Variants in DNAH2 observed in about 807,000 individuals in gnomAD.
DNAH2 encodes dynein axonemal heavy chain 2, also known as axonemal beta dynein heavy chain 2.
A neutral mutation model predicts 523.5 loss-of-function variants in DNAH2; 323 were observed. The ratio of observed to expected loss-of-function variants is 0.62; its 90% CI spans 0.56 to 0.68. DNAH2 has a LOEUF of 0.68. Among genes scored for constraint, DNAH2 ranks in the 30% least tolerant of loss-of-function variants. The pLI is 0.00. For missense variants in DNAH2, 4,907 were observed against 5,701.5 expected (o/e 0.86, Z 4.49); for synonymous variants, 2,093 against 2,177.4 (o/e 0.96, Z 1.08).
At chr17:7,741,789 C>CG (rs2075361736) in intron 11 of DNAH2, among the ~76,000 whole-genome samples, 2 of 151,854 alleles carry the variant, frequency 1.3e-5, no homozygotes, top group African/African-American at 4.8e-5. Context: ...CTTAGCCTCT[C>CG]AGGAGCTGGG....
Position 7,743,555 on chromosome 17 carries a change from A to G in DNAH2, c.1904+413A>G, listed in dbSNP as rs1019704300. On this transcript the variant is annotated intron_variant, in intron 12 of 85. Coordinates refer to ENST00000572933, the MANE Select transcript of DNAH2 (RefSeq NM_020877.5). The stretch of plus-strand genomic sequence containing the variant: ...GTGGCACAAGCCTGTAGTCTCAGCT[A>G]CTTGGGAGGGTGAGGTGGGAGGATC... The G allele has an allele frequency of 2.6e-5, 15 of 576,240 alleles. No homozygotes were observed. The African/African-American group carries it at 2.8e-4, about 11-fold the overall frequency. The allele number at this position is 576,240 out of a possible 1,614,324, so 35.7% of individuals were successfully genotyped here.
chr17:7,763,473 G>T (rs1328852354), intron 18 of DNAH2, among the ~76,000 whole-genome samples: 1 of 152,022 alleles, frequency 6.6e-6, no homozygotes, highest in East Asian at 1.9e-4. Flanking sequence ...TAGAGATAAG[G>T]TTTCACCATG....
intron 50 of DNAH2, 91 bp downstream of exon 50, chr17:7,796,743 T>C: frequency 7.0e-7 from 1 of 1,421,124 alleles, no homozygotes; most frequent in Non-Finnish European, 9.5e-7. Flanking sequence ...CTCACTAGCA[T>C]GCGCACCAAA....
intron 59 of DNAH2, 83 bp from the exon 60 acceptor site, chr17:7,804,875 C>G: frequency 8.1e-7 from 1 of 1,236,730 alleles, no homozygotes; most frequent in Non-Finnish European, 1.2e-6. Flanking sequence ...TTAGCTTTCT[C>G]TTTCATCTTT....
At chr17:7,772,809 C>T (rs141563421) in intron 28 of DNAH2, among the ~76,000 whole-genome samples, 2,372 of 152,092 alleles carry the variant, frequency 0.016, 124 homozygotes, top group Admixed American at 0.1. Context: ...GTTTTGCTCT[C>T]GTTGCCCAGG....
rs748184629 is a variant in DNAH2 at position 7,738,893 on chromosome 17, C to A, written c.1171-840C>A. ...GGTTTGCATAGCCAGACTGCTCTTGCCTTCCAATTCAGTCGGCCTTTCTCC... is the reference window on the plus strand; with the variant it reads ...GGTTTGCATAGCCAGACTGCTCTTGACTTCCAATTCAGTCGGCCTTTCTCC... On this transcript the variant is annotated intron_variant, in intron 8 of 85. Transcript: ENST00000572933. 5 of 696,532 alleles carry A rather than the reference C, an allele frequency of 7.2e-6. No individual in the cohort carries two copies. The South Asian group carries it at 7.4e-5, about 10-fold the overall frequency. The allele number at this position is 696,532 out of a possible 1,614,324, so 43.1% of individuals were successfully genotyped here. A position where few individuals can be genotyped will look rare whatever the true frequency, so the allele number is the denominator to read the frequency against.
chr17:7,772,551 T>G (rs576691125), intron 28 of DNAH2, among the ~76,000 whole-genome samples: 5 of 152,190 alleles, frequency 3.3e-5, no homozygotes, highest in African/African-American at 4.8e-5. Flanking sequence ...CAACAGCCTG[T>G]AGACCCTGTG....
intron 44 of DNAH2, 53 bp from the exon 45 acceptor site, chr17:7,791,863 TG>T: frequency 6.4e-7 from 1 of 1,553,268 alleles, no homozygotes; most frequent in Non-Finnish European, 8.7e-7. Context: ...GTCTGCCAGA[TG>T]GACCCCTGGT....
chr17:7,797,832 G>A lies in DNAH2; in HGVS notation c.8230+3G>A, dbSNP rs779583392. The A allele has an allele frequency of 1.2e-6, 2 of 1,608,022 alleles. No individual in the cohort carries two copies. Among genetic ancestry groups the A allele is most frequent in the South Asian group, 2.2e-5 (2 of 90,242 alleles). On this transcript the variant is annotated splice_donor_region_variant and intron_variant, in intron 53 of 85. Transcript: ENST00000572933. Reference sequence around the variant, plus strand: ...CTTCCGAGAGGCTATTGAACACAGTGAGCACCTGCCACGCCTATCCCCTTC... The same window carrying A: ...CTTCCGAGAGGCTATTGAACACAGTAAGCACCTGCCACGCCTATCCCCTTC...
chr17:7,734,045 A>G (rs1440495039), intron 5 of DNAH2, 138 bp from the exon 6 acceptor site: 1 of 690,508 alleles, frequency 1.4e-6, no homozygotes, highest in Non-Finnish European at 2.4e-6. Flanking sequence ...TCAAAAAAGC[A>G]TGAGTCACCA....
intron 67 of DNAH2, 34 bp from the exon 68 acceptor site, chr17:7,817,912 G>T (rs533256189): frequency 1.2e-6 from 2 of 1,613,872 alleles, no homozygotes; most frequent in Non-Finnish European, 8.5e-7. Context: ...CACCTCTCCC[G>T]TAGTGTTCCT....
In DNAH2 at chr17:7,821,416, G is replaced by A. The variant is rs750660350; in HGVS notation, c.11142+47G>A. 2.5e-6 allele frequency: 4 copies of A among 1,587,998 alleles called. No individual in the cohort carries two copies. In the Admixed American group the frequency reaches 5.2e-5, roughly 21 times the overall value. On this transcript the variant is annotated intron_variant, in intron 73 of 85. Coordinates refer to ENST00000572933, the MANE Select transcript of DNAH2 (RefSeq NM_020877.5). This position sits in a 1 kb window ranked among gnomAD's most constrained non-coding sequence, Gnocchi z 5.0. The stretch of plus-strand genomic sequence containing the variant: ...TCCCAGGATGGGATGGTCAAGGTTG[G>A]GGATGAGGGCAAGTGTGACAAGGAC...
chr17:7,827,521 C>G (rs1404113377), intron 77 of DNAH2, among the ~76,000 whole-genome samples: 1 of 152,036 alleles, frequency 6.6e-6, no homozygotes, highest in Non-Finnish European at 1.5e-5. Flanking sequence ...TCTCGGCTCA[C>G]TGCAACCTCT....
intron 8 of DNAH2, among the ~76,000 whole-genome samples, chr17:7,737,460 T>C (rs1272732921): frequency 6.6e-6 from 1 of 152,184 alleles, no homozygotes; most frequent in Non-Finnish European, 1.5e-5. Context: ...CTGGACTTTC[T>C]GTTTCTAGGT....
At position 7,805,093 on chromosome 17, in the gene DNAH2, A is replaced by G. The variant is rs769487995; in HGVS notation, c.9300+19A>G. ...CATGCGGGTACCAGGGGCGGGTGCA[A>G]GGATGGGAGCCAGGAACGCGAGGCC... On this transcript the variant is annotated intron_variant, in intron 60 of 85. Transcript: ENST00000572933. 6.2e-7 allele frequency: 1 copy of G among 1,609,916 alleles called. No homozygotes were observed. The highest frequency in any genetic ancestry group is 8.5e-7 in the Non-Finnish European group (1 of 1,176,658).
chr17:7,798,051 G>T lies in DNAH2; in HGVS notation c.8231-106G>T. The T allele has an allele frequency of 6.9e-7, 1 of 1,446,918 alleles. No individual in the cohort carries two copies. Among genetic ancestry groups the T allele is most frequent in the Non-Finnish European group, 9.2e-7 (1 of 1,082,752 alleles). The allele number at this position is 1,446,918 out of a possible 1,614,324, so 89.6% of individuals were successfully genotyped here. On this transcript the variant is annotated intron_variant, in intron 53 of 85. Transcript: ENST00000572933. The surrounding 1 kb of genome is among the most constrained non-coding windows in gnomAD (Gnocchi z 5.5). Reference sequence around the variant, plus strand: ...GCACCAACTTCTTCTCATACCTCTTGGTTCCTCTGCTTCAGTTTCAGGGGC... The same window carrying T: ...GCACCAACTTCTTCTCATACCTCTTTGTTCCTCTGCTTCAGTTTCAGGGGC...
Position 7,823,464 on chromosome 17 carries a change from T to C in DNAH2, c.11165T>C (p.Met3722Thr), listed in dbSNP as rs771893823. The change falls in exon 74 of 86, where the codon ATG becomes ACG. Residue 3722 changes from methionine (M) to threonine (T), a missense_variant. Coordinates refer to ENST00000572933, the MANE Select transcript of DNAH2 (RefSeq NM_020877.5). ...CAGGTCTTGGATCGGGAGGGCCAAA[T>C]GGACAATCCATGTAGTAGCTGGCTT... is the stretch of plus-strand genomic sequence containing the variant. ...GGVVLDREGQ[M>T]DNPCSSWLAD... 6.2e-7 allele frequency: 1 copy of C among 1,613,954 alleles called. No individual in the cohort carries two copies. The highest frequency in any genetic ancestry group is 1.1e-5 in the South Asian group (1 of 91,062).
chr17:7,821,295 A>G lies in DNAH2; in HGVS notation c.11068A>G (p.Met3690Val), dbSNP rs1298280018. Residue 3690 changes from methionine (M) to valine (V), a missense_variant, in exon 73 of 86, where the codon ATG becomes GTG. By Grantham distance (21) the Met-to-Val change is conservative. Transcript: ENST00000572933. This position sits in a 1 kb window ranked among gnomAD's most constrained non-coding sequence, Gnocchi z 5.0. ...CCACAAACTACTATTCAGTTTTCAT[A>G]TGTGTGCCAAAATCTTGGAGACTTC... Reference protein sequence around the residue: ...ERHKLLFSFHMCAKILETSGK... With the variant: ...ERHKLLFSFHVCAKILETSGK... 5.0e-6 allele frequency: 8 copies of G among 1,613,726 alleles called. 1 individual carries two copies. The East Asian group carries it at 1.3e-4, about 27-fold the overall frequency.
Position 7,821,810 on chromosome 17 carries a change from G to A in DNAH2, c.11142+441G>A, listed in dbSNP as rs778334602. ...CGCGGCCAGTGCACTGAGCATGGCC[G>A]GAGAAGAACACATCCACACCGACTG... On this transcript the variant is annotated intron_variant, in intron 73 of 85. Coordinates refer to ENST00000572933, the MANE Select transcript of DNAH2 (RefSeq NM_020877.5). This position sits in a 1 kb window ranked among gnomAD's most constrained non-coding sequence, Gnocchi z 5.0. Among the ~76,000 whole-genome samples, 8 of 152,084 alleles carry A rather than the reference G, an allele frequency of 5.3e-5. No individual in the cohort carries two copies. The highest frequency in any genetic ancestry group is 7.4e-5 in the Non-Finnish European group (5 of 68,014).
Sources: allele counts gnomAD v4.1 joint callset (sites outside exome capture counted in the v4.1 genomes callset), GRCh38; gene constraint gnomAD v4.1.1; non-coding constraint Gnocchi (gnomAD v3.1); transcripts MANE v1.5; gene names NCBI Gene and HGNC (gene_info 2026-07-23, HGNC 2026-07-21).